Variants in SLC4A4 observed in about 807,000 individuals in gnomAD.
SLC4A4 encodes the protein electrogenic sodium bicarbonate cotransporter 1.
A neutral mutation model predicts 111.5 loss-of-function variants in SLC4A4; 27 were observed. The observed-to-expected ratio is 0.24, with a 90% confidence interval of 0.18 to 0.33. The LOEUF is 0.33. Ranked by LOEUF, SLC4A4 falls within the 10% of genes least tolerant of loss-of-function variation. The pLI, the probability that SLC4A4 is intolerant of heterozygous loss-of-function variation, is 1.00. For synonymous variants in SLC4A4, 443 were observed against 463.4 expected (o/e 0.96, Z 0.57); for missense variants, 909 against 1,315.5 (o/e 0.69, Z 4.78).
chr4:71,420,972 T>A (rs1722408558), intron 7 of SLC4A4, among the ~76,000 whole-genome samples: 1 of 147,684 alleles, frequency 6.8e-6, no homozygotes, highest in African/African-American at 2.5e-5. Flanking sequence ...CAGGATCCAA[T>A]TCACACATAA....
chr4:71,164,421 T>TTA (rs1744687859), intron 2 of SLC4A4, among the ~76,000 whole-genome samples: 2 of 151,740 alleles, frequency 1.3e-5, no homozygotes, highest in Admixed American at 6.6e-5. Flanking sequence ...GTTCCTCTTA[T>TTA]TATAGTACAC....
intron 16 of SLC4A4, among the ~76,000 whole-genome samples, chr4:71,516,814 G>A (rs1021833977): frequency 1.3e-5 from 2 of 152,108 alleles, no homozygotes; most frequent in Non-Finnish European, 2.9e-5. Flanking sequence ...TCTATTCGAG[G>A]TATGTTTCTC....
chr4:71,176,400 G>A (rs1208358105), intron 2 of SLC4A4, among the ~76,000 whole-genome samples: 1 of 152,074 alleles, frequency 6.6e-6, no homozygotes, highest in Non-Finnish European at 1.5e-5. Flanking sequence ...GAGGAAGTTC[G>A]AACACATGGC....
At chr4:71,201,051 C>T (rs1362489903) in intron 1 of SLC4A4, among the ~76,000 whole-genome samples, 2 of 152,134 alleles carry the variant, frequency 1.3e-5, no homozygotes, top group African/African-American at 4.8e-5. Context: ...GCCAGAGAGC[C>T]CAGGCTTGAA....
At chr4:71,322,537 T>C (rs1356610438) in intron 3 of SLC4A4, among the ~76,000 whole-genome samples, 1 of 152,072 alleles carries the variant, frequency 6.6e-6, no homozygotes, top group Non-Finnish European at 1.5e-5. Context: ...GATTTCCTAA[T>C]GTTGATGAGA....
intron 22 of SLC4A4, 67 bp from the exon 23 acceptor site, chr4:71,560,026 G>C: frequency 4.9e-6 from 6 of 1,219,296 alleles, no homozygotes; most frequent in Non-Finnish European, 7.3e-6. Flanking sequence ...TGATAGGAGA[G>C]TATCTATGCT....
intron 22 of SLC4A4, among the ~76,000 whole-genome samples, 179 bp from the exon 23 acceptor site, chr4:71,559,914 A>T (rs1286152561): frequency 6.6e-6 from 1 of 151,866 alleles, no homozygotes; most frequent in Non-Finnish European, 1.5e-5. Context: ...AACTTTCCCC[A>T]TGTAGAAAAT....
Position 71,394,690 on chromosome 4 carries a change from C to T in SLC4A4, c.731-2887C>T, listed in dbSNP as rs142262896. Among the ~76,000 whole-genome samples the T allele has an allele frequency of 1.8e-4, 28 of 152,026 alleles. No individual in the cohort carries two copies. In the East Asian group the frequency reaches 4.3e-3, roughly 23 times the overall value. ...GGAACCAACTCGAATGCCCATCAGT[C>T]GACGAGTGGATAAAGAAACTGTGGT... On this transcript the variant is annotated intron_variant, in intron 6 of 25. Transcript: ENST00000264485.
chr4:71,076,810 G>A (rs942164376), intron 1 of SLC4A4, among the ~76,000 whole-genome samples: 4 of 151,876 alleles, frequency 2.6e-5, no homozygotes, highest in Non-Finnish European at 5.9e-5. Context: ...GGGCAACATG[G>A]CAAAACCACA....
chr4:71,416,725 A>G (rs1721857020), intron 7 of SLC4A4, among the ~76,000 whole-genome samples: 1 of 152,084 alleles, frequency 6.6e-6, no homozygotes, highest in Non-Finnish European at 1.5e-5. Flanking sequence ...TAGTAATTTT[A>G]GAATTATTAT....
chr4:71,298,694 AT>A (rs1240577336), intron 3 of SLC4A4, among the ~76,000 whole-genome samples: 4 of 152,128 alleles, frequency 2.6e-5, no homozygotes, highest in African/African-American at 7.2e-5. Flanking sequence ...TATCAGTTGG[AT>A]GCTGGGGCCA....
intron 1 of SLC4A4, among the ~76,000 whole-genome samples, chr4:71,074,934 C>T (rs1459998538): frequency 2.0e-5 from 3 of 152,178 alleles, no homozygotes; most frequent in Non-Finnish European, 4.4e-5. Flanking sequence ...ACTTCTGGTA[C>T]AGTGTCAGTG....
chr4:71,349,878 T>A (rs1729661196), intron 4 of SLC4A4, 34 bp from the exon 5 acceptor site: 1 of 1,606,814 alleles, frequency 6.2e-7, no homozygotes, highest in African/African-American at 1.4e-5. Context: ...GTTAGAACAC[T>A]TTTAATTGCT....
intron 23 of SLC4A4, among the ~76,000 whole-genome samples, chr4:71,561,926 G>A (rs1395525353): frequency 6.6e-6 from 1 of 151,766 alleles, no homozygotes; most frequent in Non-Finnish European, 1.5e-5. Context: ...AGTGTGTGAA[G>A]TCGGGGATTA....
chr4:71,155,729 G>C (rs1265184369), intron 2 of SLC4A4, among the ~76,000 whole-genome samples: 1 of 152,120 alleles, frequency 6.6e-6, no homozygotes, highest in Non-Finnish European at 1.5e-5. Context: ...CTCCTAAAGA[G>C]CTGGGATTAC....
At chr4:71,523,810 C>G (rs1047542761) in intron 16 of SLC4A4, among the ~76,000 whole-genome samples, 9 of 152,062 alleles carry the variant, frequency 5.9e-5, no homozygotes, top group African/African-American at 1.9e-4. Flanking sequence ...GCCCTGGAAC[C>G]CTTTATGATA....
intron 2 of SLC4A4, among the ~76,000 whole-genome samples, chr4:71,100,070 TG>T (rs1304897847): frequency 6.6e-6 from 1 of 152,032 alleles, no homozygotes; most frequent in African/African-American, 2.4e-5. Context: ...TCCAAAAAAT[TG>T]AGGAGGATGG....
intron 2 of SLC4A4, among the ~76,000 whole-genome samples, chr4:71,105,326 C>T (rs1488399118): frequency 3.4e-5 from 5 of 148,232 alleles, no homozygotes; most frequent in Non-Finnish European, 6.0e-5. Context: ...GAATCAATAT[C>T]GTGAAAATGG....
In SLC4A4 at chr4:71,310,351, T is replaced by G. The variant is rs1359947740; in HGVS notation, c.254-29019T>G. 2.6e-5 allele frequency among the ~76,000 whole-genome samples: 4 copies of G among 152,034 alleles called. 1 individual carries two copies. The highest frequency in any genetic ancestry group is 2.6e-4 in the Admixed American group (4 of 15,270). On this transcript the variant is annotated intron_variant, in intron 3 of 25. Coordinates refer to ENST00000264485, the MANE Select transcript of SLC4A4 (RefSeq NM_001098484.3). ...ACAAAGAACACTACTAAGATACTCTTCAAGAAGAGCAACCCCAAGACACAT... is the reference window on the plus strand; with the variant it reads ...ACAAAGAACACTACTAAGATACTCTGCAAGAAGAGCAACCCCAAGACACAT...
Sources: gnomAD v4.1 joint callset for allele counts (sites outside exome capture counted in the v4.1 genomes callset) on GRCh38, gnomAD v4.1.1 for gene constraint, MANE v1.5 for transcripts, NCBI Gene and HGNC (gene_info 2026-07-23, HGNC 2026-07-21) for gene names.